ESPN: variants seen among roughly 807,000 people sequenced by gnomAD.
The protein encoded by ESPN is autosomal recessive deafness type 36 protein.
In ESPN, 68 loss-of-function variants were observed where a neutral mutation model predicts 77.7. The observed-to-expected ratio is 0.87, with a 90% CI of 0.72 to 1.07. The LOEUF (loss-of-function observed/expected upper bound fraction) is 1.07. Among genes scored for constraint, ESPN ranks in the 50% least tolerant of loss-of-function variants. The pLI, the probability that ESPN is intolerant of heterozygous loss-of-function variation, is 0.00. For synonymous variants in ESPN, 449 were observed against 567.1 expected (o/e 0.79, Z 2.96); for missense variants, 1,060 against 1,239.0 (o/e 0.86, Z 2.17).
chr1:6,442,115 A>ACC (rs1469062269), intron 5 of ESPN, among the ~76,000 whole-genome samples: 1 of 152,148 alleles, frequency 6.6e-6, no homozygotes, highest in Non-Finnish European at 1.5e-5. Flanking sequence ...CTGTTGAGGG[A>ACC]CCGTGGGGGG....
chr1:6,439,391 AC>A (rs941206773), intron 2 of ESPN, among the ~76,000 whole-genome samples: 1 of 152,226 alleles, frequency 6.6e-6, no homozygotes, highest in African/African-American at 2.4e-5. Flanking sequence ...TTGTCTGGCA[AC>A]CCTTACCACC....
downstream of ESPN, chr1:6,461,166 G>GTTT (rs147172610): frequency 9.3e-3 from 6,424 of 690,962 alleles, 281 homozygotes; most frequent in African/African-American, 0.1. This position sits in a 1 kb window ranked among gnomAD's most constrained non-coding sequence, Gnocchi z 6.3. Flanking sequence ...GTTTTGTTTT[G>GTTT]TTTTCTTTCA....
intron 2 of ESPN, among the ~76,000 whole-genome samples, chr1:6,434,020 C>G (rs184029394): frequency 1.3e-5 from 2 of 152,342 alleles, no homozygotes; most frequent in African/African-American, 4.8e-5. Flanking sequence ...CCTGCCTTAG[C>G]CTACCGAGTA....
rs1311394290 is a variant in ESPN at position 6,451,958 on chromosome 1, G to T, written c.2187G>T (p.Ala729=). Residue 729 remains alanine, a synonymous_variant, in exon 10 of 13, where the codon GCG becomes GCT. Coordinates refer to ENST00000645284, the MANE Select transcript of ESPN (RefSeq NM_031475.3). The surrounding 1 kb of genome is among the most constrained non-coding windows in gnomAD (Gnocchi z 4.3). The stretch of plus-strand genomic sequence containing the variant: ...TTCCCGTGCCGCCCACTACTCCTGC[G>T]CCGGGAGTGCAGCTGGACGTGGAGG... ...SLVPVPPTTP[A]PGVQLDVEAL... is the part of the protein sequence containing the mutation. The T allele has an allele frequency of 1.2e-6, 2 of 1,610,568 alleles. No homozygotes were observed. The highest frequency in any genetic ancestry group is 2.2e-5 in the East Asian group (1 of 44,796).
intron 2 of ESPN, among the ~76,000 whole-genome samples, chr1:6,436,772 G>A (rs1432355621): frequency 1.3e-5 from 2 of 152,170 alleles, no homozygotes; most frequent in East Asian, 3.9e-4. Flanking sequence ...CTCCGAAGGT[G>A]CTTGGATTCC....
At chr1:6,440,154 C>A in intron 2 of ESPN, 100 bp from the exon 3 acceptor site, 2 of 1,308,928 alleles carry the variant, frequency 1.5e-6, no homozygotes, top group Non-Finnish European at 2.1e-6. Context: ...ACCCACTCTC[C>A]CTGCCGTCCA....
rs1299615419 is a variant in ESPN, at chr1:6,432,282, A to G, written c.488+3863A>G. On this transcript the variant is annotated intron_variant, in intron 2 of 12. Transcript: ENST00000645284. ...TGTGCCTGGGGTGGTCCCTTTCCCCACTAAGCCCCTGATTCTGCCACAGGC... is the reference window on the plus strand; with the variant it reads ...TGTGCCTGGGGTGGTCCCTTTCCCCGCTAAGCCCCTGATTCTGCCACAGGC... Among the ~76,000 whole-genome samples, 8 of 152,098 alleles carry G rather than the reference A, an allele frequency of 5.3e-5. No individual in the cohort carries two copies. In the East Asian group the frequency reaches 7.7e-4, roughly 15 times the overall value.
chr1:6,457,551 G>A (rs1474660834), intron 12 of ESPN, among the ~76,000 whole-genome samples, 179 bp downstream of exon 12: 1 of 152,058 alleles, frequency 6.6e-6, no homozygotes, highest in East Asian at 1.9e-4. Context: ...CTTTGTTCCC[G>A]GTTACTCAGT....
intron 10 of ESPN, chr1:6,455,105 C>G (rs1226480977): frequency 2.6e-6 from 1 of 385,414 alleles, no homozygotes; most frequent in Non-Finnish European, 4.6e-6. Flanking sequence ...GCCAGCCCAG[C>G]GCCGCCGCCG....
Position 6,451,332 on chromosome 1 carries a change from T to G in ESPN, c.1916-271T>G. On this transcript the variant is annotated intron_variant, in intron 8 of 12. Coordinates refer to ENST00000645284, the MANE Select transcript of ESPN (RefSeq NM_031475.3). This position sits in a 1 kb window ranked among gnomAD's most constrained non-coding sequence, Gnocchi z 4.3. ...GGGGACATATGCCCAAGAGCCACCATGAACTCCCAGGGGCCTCCAGGCAGG... is the reference window on the plus strand; with the variant it reads ...GGGGACATATGCCCAAGAGCCACCAGGAACTCCCAGGGGCCTCCAGGCAGG... The G allele has an allele frequency of 3.7e-6, 2 of 540,814 alleles. No homozygotes were observed. Among genetic ancestry groups the G allele is most frequent in the South Asian group, 4.0e-5 (2 of 49,720 alleles). The allele number at this position is 540,814 out of a possible 1,614,324, so 33.5% of individuals were successfully genotyped here.
In ESPN at chr1:6,444,681, T is replaced by G. The variant is rs770325199; in HGVS notation, c.1191T>G (p.Cys397Trp). 1.9e-6 allele frequency: 3 copies of G among 1,613,964 alleles called. No individual in the cohort carries two copies. The highest frequency in any genetic ancestry group is 1.3e-5 in the African/African-American group (1 of 74,920). ...HSSIKGQHPPCGLSSARAADI... is the reference protein window; with the variant it reads ...HSSIKGQHPPWGLSSARAADI... ...GCATCAAGGGCCAGCACCCTCCATG[T>G]GGTGAGTGTGCCCAGGAGGAAGACG... The change falls in exon 6 of 13, where the codon TGT (cysteine) becomes TGG (tryptophan). Residue 397 changes from cysteine to tryptophan, a missense_variant and splice_region_variant. Cys to Trp is a radical substitution (Grantham distance 215). Transcript: ENST00000645284.
At chr1:6,442,061 C>G (rs779354876) in intron 5 of ESPN, among the ~76,000 whole-genome samples, 1 of 152,182 alleles carries the variant, frequency 6.6e-6, no homozygotes, top group Non-Finnish European at 1.5e-5. Flanking sequence ...AAGGGCATTT[C>G]TGCATCAATG....
chr1:6,431,199 G>A (rs1369846278), intron 2 of ESPN, among the ~76,000 whole-genome samples: 1 of 152,198 alleles, frequency 6.6e-6, no homozygotes, highest in Non-Finnish European at 1.5e-5. Flanking sequence ...CGTGGGTGCT[G>A]CCAGTCACAG....
rs1261922635 is a variant in ESPN at position 6,437,363 on chromosome 1, T to C, written c.489-2891T>C. 4 of 152,222 alleles carry C rather than the reference T, an allele frequency of 2.6e-5. No individual in the cohort carries two copies. The highest frequency in any genetic ancestry group is 9.7e-5 in the African/African-American group (4 of 41,432). The allele number at this position is 152,222 out of a possible 1,614,324, so 9.4% of individuals were successfully genotyped here. ...AGCTGTGCAGACCGCCGTGGGCCTC[T>C]ACAGATAGAACCCAGTGGGCCCCCA... On this transcript the variant is annotated intron_variant, in intron 2 of 12. Transcript: ENST00000645284. The surrounding 1 kb of genome is among the most constrained non-coding windows in gnomAD (Gnocchi z 4.5).
intron 2 of ESPN, among the ~76,000 whole-genome samples, chr1:6,436,912 G>C (rs115319222): frequency 0.01 from 1,590 of 152,218 alleles, 33 homozygotes; most frequent in African/African-American, 0.036. Context: ...GTTGAGCCGG[G>C]ATCCCCTCCC....
In ESPN at chr1:6,460,026, G is replaced by A; in HGVS notation, c.2445G>A (p.Glu815=). ...KRKEEERQKQ[E]ELRREKEQSE... ...AAGAGGAGGAGCGACAGAAGCAGGA[G>A]GAGCTGCGGCGGGAGAAGGAACAGT... Residue 815 remains glutamate (E), a synonymous_variant, in exon 13 of 13, where the codon GAG becomes GAA. Transcript: ENST00000645284. 6.2e-7 allele frequency: 1 copy of A among 1,613,768 alleles called. No individual in the cohort carries two copies. The highest frequency in any genetic ancestry group is 8.5e-7 in the Non-Finnish European group (1 of 1,180,046).
At position 6,437,043 on chromosome 1, in the gene ESPN, G is replaced by A. The variant is rs1373831912; in HGVS notation, c.489-3211G>A. On this transcript the variant is annotated intron_variant, in intron 2 of 12. Coordinates refer to ENST00000645284, the MANE Select transcript of ESPN (RefSeq NM_031475.3). The surrounding 1 kb of genome is among the most constrained non-coding windows in gnomAD (Gnocchi z 4.5). ...CCCATGTTCTGGGGTATTCCAAGCT[G>A]GAGGCTCTGACTCCATAATGGGGCG... is the stretch of plus-strand genomic sequence containing the variant. 6.6e-6 allele frequency among the ~76,000 whole-genome samples: 1 copy of A among 152,118 alleles called. No homozygotes were observed. The highest frequency in any genetic ancestry group is 1.9e-4 in the East Asian group (1 of 5,190).
chr1:6,457,479 C>T (rs1185019177), intron 12 of ESPN, 107 bp downstream of exon 12: 3 of 1,351,664 alleles, frequency 2.2e-6, no homozygotes, highest in Middle Eastern at 2.0e-4. Context: ...TCTCTTGGCC[C>T]TTGTAGCACA....
chr1:6,455,363 G>T (rs1247264462), intron 10 of ESPN: 8 of 384,808 alleles, frequency 2.1e-5, no homozygotes, highest in Non-Finnish European at 3.7e-5. Context: ...TACGCGGACT[G>T]CTGCCCCGCG....
Sources: allele counts gnomAD v4.1 joint callset (sites outside exome capture counted in the v4.1 genomes callset), GRCh38; gene constraint gnomAD v4.1.1; non-coding constraint Gnocchi (gnomAD v3.1); transcripts MANE v1.5; gene names NCBI Gene and HGNC (gene_info 2026-07-23, HGNC 2026-07-21).